The following CREB5 variants were observed in gnomAD, a reference collection of about 807,000 sequenced individuals.
CREB5 encodes cyclic AMP-responsive element-binding protein 5.
CREB5 carries 19 observed loss-of-function variants against 57.1 expected under a neutral mutation model. That is an observed-to-expected ratio of 0.33 (90% CI 0.23 to 0.49). CREB5 has a LOEUF of 0.49. Ranked by LOEUF, CREB5 falls within the 20% of genes least tolerant of loss-of-function variation. The pLI, the probability that CREB5 is intolerant of heterozygous loss-of-function variation, is 0.99. For missense variants in CREB5, 579 were observed against 671.6 expected, an observed-to-expected ratio of 0.86 and a Z score of 1.52; for synonymous variants, 238 against 238.3, an observed-to-expected ratio of 1.00 and a Z score of 0.01.
intron 7 of CREB5, chr7:28,779,066 T>C (rs1007479948): frequency 1.3e-5 from 2 of 152,250 alleles, no homozygotes; most frequent in Non-Finnish European, 2.9e-5. Flanking sequence ...TTGGATGTTA[T>C]GTGATTAAAA....
intron 1 of CREB5, among the ~76,000 whole-genome samples, chr7:28,348,357 C>T (rs1786110857): frequency 6.6e-6 from 1 of 151,408 alleles, no homozygotes; most frequent in Non-Finnish European, 1.5e-5. Flanking sequence ...TGATGATCAA[C>T]ATGCGCCTGC....
intron 7 of CREB5, among the ~76,000 whole-genome samples, chr7:28,742,492 G>C (rs1349918784): frequency 1.3e-5 from 2 of 151,976 alleles, no homozygotes; most frequent in Non-Finnish European, 2.9e-5. Context: ...CGTGAACCTG[G>C]GAGGCGGAGC....
Position 28,386,377 on chromosome 7 carries a change from C to T in CREB5, c.-25+86936C>T, listed in dbSNP as rs192336171. ...TGTCATTACAGTCTGGCTTTTGTTG[C>T]CGCTGTTGAGAAATCTGCTGCTGGT... On this transcript the variant is annotated intron_variant, in intron 1 of 9. Transcript: ENST00000396299. 3.4e-3 allele frequency among the ~76,000 whole-genome samples: 517 copies of T among 152,238 alleles called. 2 individuals are homozygous for T. The highest frequency in any genetic ancestry group is 0.012 in the African/African-American group (480 of 41,560).
rs185953506 is a variant in CREB5 at position 28,665,959 on chromosome 7, A to G, written c.465-52794A>G. ...AAATATCCCATGTAAAAGTCATTCC[A>G]CCCATGATGGATTAAATGGCCTAAA... On this transcript the variant is annotated intron_variant, in intron 5 of 10. Transcript: ENST00000357727. 3.2e-4 allele frequency among the ~76,000 whole-genome samples: 49 copies of G among 152,260 alleles called. No individual in the cohort carries two copies. The East Asian group carries it at 8.5e-3, about 26-fold the overall frequency.
intron 5 of CREB5, among the ~76,000 whole-genome samples, chr7:28,578,751 G>T (rs959816318): frequency 2.6e-4 from 39 of 152,150 alleles, no homozygotes; most frequent in African/African-American, 9.4e-4. Flanking sequence ...GATACTTTGA[G>T]ATTCAAAAGA....
At chr7:28,673,657 C>CTTTTTT (rs549391329) in intron 5 of CREB5, among the ~76,000 whole-genome samples, 11 of 55,762 alleles carry the variant, frequency 2.0e-4, no homozygotes, top group Non-Finnish European at 2.5e-4. Flanking sequence ...CTCTCTCTCT[C>CTTTTTT]TTTTTTTTTT....
chr7:28,489,777 T>G (rs1344894470), intron 2 of CREB5, among the ~76,000 whole-genome samples: 1 of 152,222 alleles, frequency 6.6e-6, no homozygotes, highest in East Asian at 1.9e-4. Context: ...TCAATGTTTA[T>G]TTCCAACTTA....
intron 1 of CREB5, among the ~76,000 whole-genome samples, chr7:28,387,635 G>C (rs1357424731): frequency 6.6e-6 from 1 of 152,120 alleles, no homozygotes; most frequent in African/African-American, 2.4e-5. Flanking sequence ...CCTGTCAGAG[G>C]GTGGAGGGGG....
intron 4 of CREB5, among the ~76,000 whole-genome samples, chr7:28,510,954 T>C (rs1792677490): frequency 6.6e-6 from 1 of 152,094 alleles, no homozygotes; most frequent in Admixed American, 6.5e-5. Context: ...TATAAGAAAT[T>C]TTGTTCATCA....
At chr7:28,773,190 G>A (rs916165956) in intron 7 of CREB5, among the ~76,000 whole-genome samples, 1 of 151,762 alleles carries the variant, frequency 6.6e-6, no homozygotes, top group Admixed American at 6.6e-5. Flanking sequence ...ATCACTTTAA[G>A]ACTGTTTGTT....
intron 4 of CREB5, among the ~76,000 whole-genome samples, chr7:28,518,930 C>T (rs1793089447): frequency 1.3e-5 from 2 of 152,176 alleles, no homozygotes; most frequent in African/African-American, 4.8e-5. Context: ...CTTTTGACAA[C>T]TTTGAAGTTC....
intron 5 of CREB5, among the ~76,000 whole-genome samples, chr7:28,630,705 T>C (rs1236306147): frequency 3.3e-5 from 5 of 152,180 alleles, no homozygotes; most frequent in Admixed American, 3.3e-4. Context: ...GATTTCCATA[T>C]AAAAAGACAA....
chr7:28,651,969 T>C (rs1799145211), intron 5 of CREB5, among the ~76,000 whole-genome samples: 2 of 152,300 alleles, frequency 1.3e-5, no homozygotes, highest in African/African-American at 4.8e-5. Flanking sequence ...TCCTCACTTG[T>C]AAAACAGGAT....
intron 5 of CREB5, among the ~76,000 whole-genome samples, chr7:28,669,720 G>A (rs909044250): frequency 6.6e-6 from 1 of 152,220 alleles, no homozygotes; most frequent in Non-Finnish European, 1.5e-5. Flanking sequence ...GTGGCTACAA[G>A]CCAAGCTCAT....
At chr7:28,405,256 C>T (rs377496028) in intron 1 of CREB5, among the ~76,000 whole-genome samples, 3 of 152,286 alleles carry the variant, frequency 2.0e-5, no homozygotes. Context: ...GCTTCAGCAG[C>T]ATCCCTTTCC....
At chr7:28,606,277 G>A (rs1005549429) in intron 5 of CREB5, among the ~76,000 whole-genome samples, 3 of 152,048 alleles carry the variant, frequency 2.0e-5, no homozygotes, top group African/African-American at 7.2e-5. Flanking sequence ...TGTTCTTCAA[G>A]ATATATTCAT....
chr7:28,395,524 T>C (rs748495723), intron 1 of CREB5, among the ~76,000 whole-genome samples: 5 of 152,174 alleles, frequency 3.3e-5, no homozygotes, highest in Non-Finnish European at 7.3e-5. Context: ...GAAACCAGGT[T>C]CTCCCCTACT....
At chr7:28,383,191 T>C (rs1583411085) in intron 1 of CREB5, among the ~76,000 whole-genome samples, 1 of 152,060 alleles carries the variant, frequency 6.6e-6, no homozygotes, top group Non-Finnish European at 1.5e-5. Flanking sequence ...TTAGGCATAA[T>C]GTGTACATGT....
intron 1 of CREB5, among the ~76,000 whole-genome samples, chr7:28,357,484 G>A (rs1020632882): frequency 6.6e-6 from 1 of 152,162 alleles, no homozygotes; most frequent in Non-Finnish European, 1.5e-5. Context: ...GCTGTTTGCA[G>A]TCATTGGATA....
Sources: gnomAD v4.1 joint callset for allele counts (sites outside exome capture counted in the v4.1 genomes callset) on GRCh38, gnomAD v4.1.1 for gene constraint, MANE v1.5 for transcripts, NCBI Gene and HGNC (gene_info 2026-07-23, HGNC 2026-07-21) for gene names.